The following CTU1 variants were observed in gnomAD, a reference collection of about 807,000 sequenced individuals.
The protein encoded by CTU1 is cytoplasmic tRNA 2-thiolation protein 1.
Under a neutral mutation model 12.9 loss-of-function variants are expected in CTU1, and 15 were observed. The ratio of observed to expected loss-of-function variants is 1.16; its 90% CI spans 0.78 to 1.79. The LOEUF is 1.79. CTU1 is among the 40% of genes most tolerant of loss of function. The probability of loss-of-function intolerance (pLI) is 0.00; values close to 1 mark genes in which losing one functional copy is unlikely to be tolerated. For synonymous variants in CTU1, 295 were observed against 275.6 expected, an observed-to-expected ratio of 1.07 and a Z score of -0.70; for missense variants, 553 against 550.5, an observed-to-expected ratio of 1.00 and a Z score of -0.05.
intron 1 of CTU1, among the ~76,000 whole-genome samples, chr19:51,106,601 G>T (rs2091921228): frequency 6.6e-6 from 1 of 152,054 alleles, no homozygotes; most frequent in Non-Finnish European, 1.5e-5. Flanking sequence ...TGCCTCCCAG[G>T]GTCAAGCGTT....
intron 2 of CTU1, among the ~76,000 whole-genome samples, chr19:51,103,510 G>A (rs1029032534): frequency 6.6e-6 from 1 of 150,738 alleles, no homozygotes; most frequent in African/African-American, 2.4e-5. Context: ...GCGTGAATCC[G>A]GGAGGCAGAG....
chr19:51,106,565 G>A (rs1447395001), intron 1 of CTU1, among the ~76,000 whole-genome samples: 1 of 152,030 alleles, frequency 6.6e-6, no homozygotes, highest in Non-Finnish European at 1.5e-5. Context: ...GAATGCAGTG[G>A]CACAATCTCG....
chr19:51,104,448 G>C lies in CTU1; in HGVS notation c.122C>G (p.Thr41Arg). The C allele has an allele frequency of 1.6e-6, 2 of 1,277,418 alleles. No homozygotes were observed. The highest frequency in any genetic ancestry group is 2.2e-5 in the South Asian group (1 of 46,482). 79.1% of individuals were successfully genotyped at this position (1,277,418 alleles called of 1,614,324 possible). ...CAAFEAEVLH[T>R]VLAGRLLPPG... is the part of the protein sequence containing the mutation. ...CGGCAGCAGGCGGCCGGCGAGCACCGTGTGCAGCACCTCGGCCTCGAAGGC... is the reference window on the plus strand; with the variant it reads ...CGGCAGCAGGCGGCCGGCGAGCACCCTGTGCAGCACCTCGGCCTCGAAGGC... The change falls in exon 2 of 3, where the codon ACG becomes AGG. Residue 41 changes from threonine (T) to arginine (R), a missense_variant. Thr to Arg is a moderately conservative substitution (Grantham distance 71). This residue lies in a region of CTU1 where 500 missense variants were observed against 458.5 expected (regional missense o/e 1.09). Coordinates refer to ENST00000421832, the MANE Select transcript of CTU1 (RefSeq NM_145232.4).
At position 51,098,892 on chromosome 19, in the gene CTU1, G is replaced by A. The variant is rs1408478849; in HGVS notation, c.756C>T (p.Leu252=). The A allele has an allele frequency of 6.7e-7, 1 of 1,490,284 alleles. No homozygotes were observed. Among genetic ancestry groups the A allele is most frequent in the South Asian group, 1.2e-5 (1 of 82,700 alleles). The allele number at this position is 1,490,284 out of a possible 1,614,324, so 92.3% of individuals were successfully genotyped here. The change falls in exon 3 of 3, where the codon CTC becomes CTT. Residue 252 remains leucine, a synonymous_variant. Coordinates refer to ENST00000421832, the MANE Select transcript of CTU1 (RefSeq NM_145232.4). The surrounding 1 kb of genome is among the most constrained non-coding windows in gnomAD (Gnocchi z 4.3). Reference sequence around the variant, plus strand: ...ACGGCCGCGCCGCCTCCAGGCGCTTGAGCAGGTCCCGGGCGTGGCCGCGGA... The same window carrying A: ...ACGGCCGCGCCGCCTCCAGGCGCTTAAGCAGGTCCCGGGCGTGGCCGCGGA... ...EAFRGHARDL[L]KRLEAARPSA... is the part of the protein sequence containing the mutation.
chr19:51,100,329 G>C (rs1044765080), intron 2 of CTU1, among the ~76,000 whole-genome samples: 1 of 152,222 alleles, frequency 6.6e-6, no homozygotes, highest in African/African-American at 2.4e-5. Context: ...TGGAGGAAGA[G>C]CCGGGCACAG....
At chr19:51,103,925 C>T in intron 2 of CTU1, 137 bp downstream of exon 2, 2 of 915,420 alleles carry the variant, frequency 2.2e-6, no homozygotes, top group Non-Finnish European at 3.0e-6. Flanking sequence ...TACAGGGATC[C>T]TCCCATTAAG....
chr19:51,108,296 A>C lies in CTU1; in HGVS notation c.-22+51T>G, dbSNP rs1348773467. The C allele has an allele frequency of 6.6e-6, 1 of 152,438 alleles. No homozygotes were observed. The highest frequency in any genetic ancestry group is 1.5e-5 in the Non-Finnish European group (1 of 68,144). The allele number at this position is 152,438 out of a possible 1,614,324, so 9.4% of individuals were successfully genotyped here. On this transcript the variant is annotated intron_variant, in intron 1 of 2. Coordinates refer to ENST00000421832, the MANE Select transcript of CTU1 (RefSeq NM_145232.4). This position sits in a 1 kb window ranked among gnomAD's most constrained non-coding sequence, Gnocchi z 4.5. ...ACCCTCAACCCTCCCACGGCACCGC[A>C]ACAAAGAGCCGGAGTCCACATGCCG...
chr19:51,103,950 T>G (rs67218028), intron 2 of CTU1, 112 bp downstream of exon 2: 1 of 1,149,880 alleles, frequency 8.7e-7, no homozygotes, highest in African/African-American at 1.6e-5. Flanking sequence ...CAGGGTCTCC[T>G]CGCCGCCTTC....
rs963405175 is a variant in CTU1 at position 51,097,693 on chromosome 19, G to A, written c.*908C>T. 7.3e-5 allele frequency: 11 copies of A among 150,342 alleles called. No homozygotes were observed. Among genetic ancestry groups the A allele is most frequent in the African/African-American group, 2.4e-4 (10 of 40,972 alleles). 9.3% of individuals were successfully genotyped at this position (150,342 alleles called of 1,614,324 possible). On this transcript the variant is annotated 3_prime_UTR_variant, in exon 3 of 3. Coordinates refer to ENST00000421832, the MANE Select transcript of CTU1 (RefSeq NM_145232.4). ...TGCCTTGATGCGGGGGGGATGGGGGGGCGGGGGGGAAGGGGGCTGATTATA... is the reference window on the plus strand; with the variant it reads ...TGCCTTGATGCGGGGGGGATGGGGGAGCGGGGGGGAAGGGGGCTGATTATA...
In CTU1 at chr19:51,099,058, C is replaced by T. The variant is rs765696186; in HGVS notation, c.590G>A (p.Gly197Asp). The change falls in exon 3 of 3, where the codon GGC (glycine) becomes GAC (aspartate). Residue 197 changes from glycine to aspartate, a missense_variant. Physicochemically the swap from Gly to Asp is moderately conservative, Grantham distance 94. This residue lies in a region of CTU1 where 500 missense variants were observed against 458.5 expected (regional missense o/e 1.09). Transcript: ENST00000421832. ...GCCCCCCTCGCCGGGAGAGCCCAGG[C>T]CCCCGCCCCGGGCCAGCCGCCCCGC... ...GDAGRLARGG[G>D]LGSPGEGGAL... is the part of the protein sequence containing the mutation. The T allele has an allele frequency of 5.9e-6, 9 of 1,517,358 alleles. No homozygotes were observed. The highest frequency in any genetic ancestry group is 2.1e-5 in the Admixed American group (1 of 48,746). The allele number at this position is 1,517,358 out of a possible 1,614,324, so 94.0% of individuals were successfully genotyped here.
In CTU1 at chr19:51,104,418, C is replaced by A; in HGVS notation, c.152G>T (p.Gly51Val). The change falls in exon 2 of 3, where the codon GGC (glycine) becomes GTC (valine). Residue 51 changes from glycine (G) to valine (V), a missense_variant. Physicochemically the swap from Gly to Val is moderately radical, Grantham distance 109. This residue lies in a region of CTU1 where 500 missense variants were observed against 458.5 expected (regional missense o/e 1.09). Transcript: ENST00000421832. ...CGAGGCGCCCACGGCCACCACCGCG[C>A]CGGGCGGCAGCAGGCGGCCGGCGAG... ...TVLAGRLLPP[G>V]AVVAVGASGG... 8.2e-7 allele frequency: 1 copy of A among 1,223,122 alleles called. No homozygotes were observed. The highest frequency in any genetic ancestry group is 1.0e-6 in the Non-Finnish European group (1 of 979,892). 75.8% of individuals were successfully genotyped at this position (1,223,122 alleles called of 1,614,324 possible).
rs1171949934 is a variant in CTU1 at position 51,104,161 on chromosome 19, A to C, written c.409T>G (p.Ser137Ala). 6.6e-7 allele frequency: 1 copy of C among 1,519,522 alleles called. No individual in the cohort carries two copies. Among genetic ancestry groups the C allele is most frequent in the Admixed American group, 2.2e-5 (1 of 46,354 alleles). 94.1% of individuals were successfully genotyped at this position (1,519,522 alleles called of 1,614,324 possible). ...GTGCAGCAGGAGCGGCTGCGGCCGG[A>C]GCCGGCTGTGCTGCGGGCCACGGCG... is the stretch of plus-strand genomic sequence containing the variant. Reference protein sequence around the residue: ...MDAVARSTAGSGRSRSCCTFC... With the variant: ...MDAVARSTAGAGRSRSCCTFC... Residue 137 changes from serine (S) to alanine (A), a missense_variant, in exon 2 of 3, where the codon TCC (serine) becomes GCC (alanine). Around this residue, in one of 2 missense-constraint regions of CTU1, gnomAD observed 500 missense variants for 458.5 expected, o/e 1.09. Transcript: ENST00000421832.
chr19:51,107,648 T>C (rs943448990), intron 1 of CTU1, among the ~76,000 whole-genome samples: 1 of 151,796 alleles, frequency 6.6e-6, no homozygotes, highest in Non-Finnish European at 1.5e-5. Context: ...CTGATTGGAG[T>C]GGGGACTGGG....
rs2091914555 is a variant in CTU1, at chr19:51,104,317, C to A, written c.253G>T (p.Val85Leu). Residue 85 changes from valine (V) to leucine (L), a missense_variant, in exon 2 of 3, where the codon GTG (valine) becomes TTG (leucine). By Grantham distance (32) the Val-to-Leu change is conservative. This residue lies in a region of CTU1 where 500 missense variants were observed against 458.5 expected (regional missense o/e 1.09). Transcript: ENST00000421832. Reference protein sequence around the residue: ...APRLGISLQLVAVDEGIGGYR... With the variant: ...APRLGISLQLLAVDEGIGGYR... Reference sequence around the variant, plus strand: ...CCACCGATGCCCTCATCGACGGCCACGAGCTGCAGTGAGATGCCCAGGCGC... The same window carrying A: ...CCACCGATGCCCTCATCGACGGCCAAGAGCTGCAGTGAGATGCCCAGGCGC... The A allele has an allele frequency of 3.4e-6, 5 of 1,488,906 alleles. No homozygotes were observed. The highest frequency in any genetic ancestry group is 4.4e-6 in the Non-Finnish European group (5 of 1,124,054). 92.2% of individuals were successfully genotyped at this position (1,488,906 alleles called of 1,614,324 possible).
intron 1 of CTU1, among the ~76,000 whole-genome samples, chr19:51,105,397 T>C (rs143576912): frequency 5.1e-4 from 78 of 151,926 alleles, no homozygotes; most frequent in African/African-American, 1.8e-3. Flanking sequence ...ATCTGTTATC[T>C]TTCCTACTTC....
At chr19:51,107,642 T>C (rs777389864) in intron 1 of CTU1, among the ~76,000 whole-genome samples, 1 of 152,038 alleles carries the variant, frequency 6.6e-6, no homozygotes, top group Non-Finnish European at 1.5e-5. Flanking sequence ...ATAAGACTGA[T>C]TGGAGTGGGG....
At chr19:51,104,766 T>C (rs2091916392) in intron 1 of CTU1, among the ~76,000 whole-genome samples, 176 bp from the exon 2 acceptor site, 1 of 152,112 alleles carries the variant, frequency 6.6e-6, no homozygotes, top group Admixed American at 6.5e-5. Flanking sequence ...AGGTCCGGTG[T>C]AAGGAAGCCA....
intron 2 of CTU1, among the ~76,000 whole-genome samples, chr19:51,103,136 T>C (rs2091911144): frequency 6.6e-6 from 1 of 152,242 alleles, no homozygotes; most frequent in Non-Finnish European, 1.5e-5. Context: ...GTTATACTTC[T>C]ACTGACTCAT....
intron 2 of CTU1, among the ~76,000 whole-genome samples, chr19:51,102,972 T>C (rs2091910773): frequency 6.6e-6 from 1 of 152,244 alleles, no homozygotes; most frequent in South Asian, 2.1e-4. Flanking sequence ...ATAATGTTTA[T>C]AATTTTGTAC....
Sources: gnomAD v4.1 joint callset for allele counts (sites outside exome capture counted in the v4.1 genomes callset) on GRCh38, gnomAD v4.1.1 for gene constraint, gnomAD v4.1.1 regional missense constraint, Gnocchi (gnomAD v3.1) non-coding constraint, MANE v1.5 for transcripts, NCBI Gene and HGNC (gene_info 2026-07-23, HGNC 2026-07-21) for gene names.